UNC13B: variants seen among roughly 807,000 people sequenced by gnomAD.
UNC13B encodes unc-13 homolog B.
UNC13B carries 144 observed loss-of-function variants against 211.0 expected under a neutral mutation model. The observed-to-expected ratio is 0.68, with a 90% CI of 0.60 to 0.78. UNC13B has a LOEUF of 0.78. UNC13B is among the 30% of genes least tolerant of loss of function. UNC13B has a pLI of 0.00. For missense variants in UNC13B, 1,777 were observed against 2,002.0 expected, an observed-to-expected ratio of 0.89 and a Z score of 2.14; for synonymous variants, 709 against 725.8, an observed-to-expected ratio of 0.98 and a Z score of 0.37.
chr9:35,401,389 G>C (rs1248743374), intron 37 of UNC13B, among the ~76,000 whole-genome samples: 2 of 152,200 alleles, frequency 1.3e-5, no homozygotes, highest in African/African-American at 2.4e-5. Flanking sequence ...GAAGAATAGA[G>C]AGCAAAAGAA....
At chr9:35,318,772 G>C (rs754041041) in intron 11 of UNC13B, among the ~76,000 whole-genome samples, 20 of 152,302 alleles carry the variant, frequency 1.3e-4, no homozygotes, top group Middle Eastern at 3.4e-3. Flanking sequence ...ATGTGTGCAG[G>C]TATACCAAGG....
At chr9:35,233,144 G>A (rs535379681) in intron 3 of UNC13B, among the ~76,000 whole-genome samples, 1 of 152,170 alleles carries the variant, frequency 6.6e-6, no homozygotes, top group East Asian at 1.9e-4. Flanking sequence ...GCTACAAATG[G>A]TTTATGCAAG....
In UNC13B at chr9:35,398,607, G is replaced by C; in HGVS notation, c.11886G>C (p.Thr3962=). The C allele has an allele frequency of 1.9e-6, 3 of 1,614,028 alleles. No homozygotes were observed. Among genetic ancestry groups the C allele is most frequent in the Non-Finnish European group, 2.5e-6 (3 of 1,180,018 alleles). The change falls in exon 32 of 40, where the codon ACG becomes ACC. Residue 3962 remains threonine (T), a synonymous_variant. Transcript: ENST00000635942. Reference sequence around the variant, plus strand: ...AGGAGCTGCAGGTGAAACTGAATACGGTTCTGGATGAGCTCAGCATGGTGT... The same window carrying C: ...AGGAGCTGCAGGTGAAACTGAATACCGTTCTGGATGAGCTCAGCATGGTGT... The part of the protein sequence containing the change: ...SLKELQVKLN[T]VLDELSMVFG...
At chr9:35,299,036 A>G (rs1723325031) in intron 8 of UNC13B, among the ~76,000 whole-genome samples, 1 of 152,210 alleles carries the variant, frequency 6.6e-6, no homozygotes, top group South Asian at 2.1e-4. Flanking sequence ...GTTCAAGACC[A>G]GCCTGGCCAA....
intron 11 of UNC13B, among the ~76,000 whole-genome samples, chr9:35,317,699 T>C (rs2131893659): frequency 6.7e-6 from 1 of 149,890 alleles, no homozygotes; most frequent in Admixed American, 6.6e-5. Context: ...ATTTTTTTTT[T>C]TTTTTTTTTT....
At chr9:35,398,080 C>G (rs1389034023) in intron 30 of UNC13B, 131 bp from the exon 31 acceptor site, 1 of 738,638 alleles carries the variant, frequency 1.4e-6, no homozygotes, top group South Asian at 2.4e-5. Context: ...GGCCCCAGCT[C>G]TTAGTGCTGA....
chr9:35,368,602 T>G (rs1445523787), intron 12 of UNC13B, among the ~76,000 whole-genome samples: 1 of 152,190 alleles, frequency 6.6e-6, no homozygotes, highest in Non-Finnish European at 1.5e-5. Context: ...GTCGAATGGT[T>G]GTTCTGTTTT....
chr9:35,382,228 C>A (rs1274643937), intron 20 of UNC13B, 129 bp from the exon 21 acceptor site: 2 of 1,265,226 alleles, frequency 1.6e-6, no homozygotes, highest in South Asian at 1.5e-5. Context: ...CAGAAAGTAG[C>A]CCTAGGCAAG....
At chr9:35,200,624 T>C (rs1388285086) in intron 1 of UNC13B, among the ~76,000 whole-genome samples, 1 of 152,218 alleles carries the variant, frequency 6.6e-6, no homozygotes, top group Non-Finnish European at 1.5e-5. Context: ...TCTCATGATT[T>C]GGCTTACTGT....
Position 35,403,246 on chromosome 9 carries a change from G to A in UNC13B, c.12564G>A (p.Lys4188=), listed in dbSNP as rs772018703. 16 of 1,614,038 alleles carry A rather than the reference G, an allele frequency of 9.9e-6. No homozygotes were observed. Among genetic ancestry groups the A allele is most frequent in the African/African-American group, 1.3e-5 (1 of 74,918 alleles). ...CACACCCTGGTACTGGGGAGCACAAGGTCACAGTGAAAGGTGAGTGATGGA... is the reference window on the plus strand; with the variant it reads ...CACACCCTGGTACTGGGGAGCACAAAGTCACAGTGAAAGGTGAGTGATGGA... ...LFTHPGTGEH[K]VTVKVVAAND... Residue 4188 remains lysine, a synonymous_variant, in exon 38 of 40, where the codon AAG becomes AAA. Transcript: ENST00000635942.
intron 1 of UNC13B, among the ~76,000 whole-genome samples, chr9:35,193,292 C>T (rs898313950): frequency 3.3e-5 from 5 of 152,094 alleles, no homozygotes; most frequent in African/African-American, 1.2e-4. Flanking sequence ...TGGTTAACTT[C>T]TGAACTTAAA....
chr9:35,381,555 G>C lies in UNC13B; in HGVS notation c.10492-1G>C. On this transcript the variant is annotated splice_acceptor_variant, in intron 19 of 39. Transcript: ENST00000635942. LOFTEE classifies it high-confidence loss of function. Reference sequence around the variant, plus strand: ...CCCTTTCTCTGCTCTGTCTCCTGCAGAATCTTTTCCATTACCTCACAGACA... The same window carrying C: ...CCCTTTCTCTGCTCTGTCTCCTGCACAATCTTTTCCATTACCTCACAGACA... 1 of 1,612,768 alleles carries C rather than the reference G, an allele frequency of 6.2e-7. No homozygotes were observed. The highest frequency in any genetic ancestry group is 8.5e-7 in the Non-Finnish European group (1 of 1,179,056).
intron 1 of UNC13B, among the ~76,000 whole-genome samples, chr9:35,214,993 A>G (rs552540200): frequency 6.6e-6 from 1 of 152,346 alleles, no homozygotes; most frequent in South Asian, 2.1e-4. Context: ...TATTTGTTGA[A>G]TAAGTGAAAA....
intron 11 of UNC13B, among the ~76,000 whole-genome samples, chr9:35,317,959 T>A (rs1377753245): frequency 6.6e-6 from 1 of 152,182 alleles, no homozygotes; most frequent in Non-Finnish European, 1.5e-5. Flanking sequence ...GCAAAGTAAT[T>A]AGCCTTATCC....
intron 10 of UNC13B, among the ~76,000 whole-genome samples, chr9:35,313,556 T>C (rs1271249801): frequency 6.6e-6 from 1 of 151,548 alleles, no homozygotes; most frequent in East Asian, 1.9e-4. Context: ...GCCCAGGAGA[T>C]TAAGGCTGCA....
chr9:35,291,286 C>T (rs745716866), intron 7 of UNC13B, among the ~76,000 whole-genome samples: 11 of 152,154 alleles, frequency 7.2e-5, no homozygotes, highest in Non-Finnish European at 1.5e-4. Context: ...GGTTTCTTGA[C>T]GACTTTGTGT....
In UNC13B at chr9:35,201,175, A is replaced by G. The variant is rs1312772035; in HGVS notation, c.23-26840A>G. Among the ~76,000 whole-genome samples, 6 of 152,306 alleles carry G rather than the reference A, an allele frequency of 3.9e-5. No individual in the cohort carries two copies. In the South Asian group the frequency reaches 1.2e-3, roughly 32 times the overall value. Reference sequence around the variant, plus strand: ...GTATGTTGAACCAGTCTTGCATCCCAGGGATGAAGCCCACTTGATCATGGT... The same window carrying G: ...GTATGTTGAACCAGTCTTGCATCCCGGGGATGAAGCCCACTTGATCATGGT... On this transcript the variant is annotated intron_variant, in intron 1 of 39. Coordinates refer to ENST00000635942, the MANE Select transcript of UNC13B (RefSeq NM_001371189.2).
intron 1 of UNC13B, among the ~76,000 whole-genome samples, chr9:35,166,015 G>A (rs1355055254): frequency 1.3e-5 from 2 of 152,040 alleles, no homozygotes; most frequent in Non-Finnish European, 2.9e-5. Flanking sequence ...AATTCCCAGT[G>A]TTTATAACAT....
At chr9:35,229,524 T>G (rs1485015180) in intron 2 of UNC13B, among the ~76,000 whole-genome samples, 5 of 152,156 alleles carry the variant, frequency 3.3e-5, no homozygotes, top group Middle Eastern at 3.2e-3. Context: ...TTTTACCCTA[T>G]TTAAAATCTT....
Sources: allele counts gnomAD v4.1 joint callset (sites outside exome capture counted in the v4.1 genomes callset), GRCh38; gene constraint gnomAD v4.1.1; transcripts MANE v1.5; gene names NCBI Gene and HGNC (gene_info 2026-07-23, HGNC 2026-07-21).